Variants in STPG2 observed in about 807,000 individuals in gnomAD.
STPG2 encodes sperm-tail PG-rich repeat-containing protein 2.
In STPG2, 56 loss-of-function variants were observed where a neutral mutation model predicts 54.2. The ratio of observed to expected loss-of-function variants is 1.03; its 90% CI spans 0.83 to 1.29. The LOEUF (loss-of-function observed/expected upper bound fraction) is 1.29, where lower values mean the gene tolerates loss of function less well. Ranked by LOEUF, STPG2 falls within the 50% of genes most tolerant of loss-of-function variation. STPG2 has a pLI of 0.00. For missense variants in STPG2, 596 were observed against 544.9 expected, an observed-to-expected ratio of 1.09 and a Z score of -0.93; for synonymous variants, 200 against 181.8, an observed-to-expected ratio of 1.10 and a Z score of -0.81.
intron 8 of STPG2, among the ~76,000 whole-genome samples, chr4:97,875,582 T>C (rs1730145162): frequency 6.6e-6 from 1 of 152,004 alleles, no homozygotes; most frequent in South Asian, 2.1e-4. Flanking sequence ...ATGAAATTCT[T>C]CCAGAGGAAA....
At chr4:97,955,577 G>C (rs745500701) in intron 7 of STPG2, among the ~76,000 whole-genome samples, 1 of 152,080 alleles carries the variant, frequency 6.6e-6, no homozygotes, top group East Asian at 1.9e-4. Flanking sequence ...ATATATTTAT[G>C]AGAGTCTCAG....
At chr4:98,021,915 G>A (rs1443533253) in intron 5 of STPG2, among the ~76,000 whole-genome samples, 1 of 151,950 alleles carries the variant, frequency 6.6e-6, no homozygotes, top group Non-Finnish European at 1.5e-5. Flanking sequence ...GTGTGTCTCT[G>A]CACCTGAGAT....
At chr4:98,054,959 A>C (rs1432182314) in intron 5 of STPG2, among the ~76,000 whole-genome samples, 1 of 152,140 alleles carries the variant, frequency 6.6e-6, no homozygotes. Flanking sequence ...TCTCCAGAAA[A>C]ATGTATAGCT....
At chr4:97,793,402 C>CACAG (rs1553913919) in intron 9 of STPG2, among the ~76,000 whole-genome samples, 18 of 148,244 alleles carry the variant, frequency 1.2e-4, no homozygotes, top group Admixed American at 4.7e-4. Context: ...CACACACACA[C>CACAG]AGAGAAATAG....
chr4:97,692,770 A>C (rs1328302359), intron 10 of STPG2, among the ~76,000 whole-genome samples: 1 of 152,170 alleles, frequency 6.6e-6, no homozygotes, highest in Non-Finnish European at 1.5e-5. Flanking sequence ...TCAAAACAAA[A>C]GTAAAAATTT....
chr4:97,968,983 G>A (rs1734218026), intron 7 of STPG2, among the ~76,000 whole-genome samples: 1 of 152,172 alleles, frequency 6.6e-6, no homozygotes, highest in South Asian at 2.1e-4. Flanking sequence ...ATAGCTCTGG[G>A]AATGGAATGC....
chr4:97,966,147 C>T (rs1194791094), intron 7 of STPG2, among the ~76,000 whole-genome samples: 2 of 152,088 alleles, frequency 1.3e-5, no homozygotes, highest in East Asian at 1.9e-4. Flanking sequence ...AAAGGTTAGA[C>T]GAATGGCTAA....
At chr4:97,869,315 A>G (rs1012440615) in intron 8 of STPG2, among the ~76,000 whole-genome samples, 1 of 151,690 alleles carries the variant, frequency 6.6e-6, no homozygotes, top group African/African-American at 2.4e-5. Context: ...TATTAATGAA[A>G]AAACTAAAAG....
At chr4:97,653,459 TAAAAC>T (rs1197359348) in intron 10 of STPG2, among the ~76,000 whole-genome samples, 4 of 151,002 alleles carry the variant, frequency 2.6e-5, no homozygotes, top group Non-Finnish European at 5.9e-5. Flanking sequence ...TAAAATAAAA[TAAAAC>T]AAAACAATAA....
intron 10 of STPG2, among the ~76,000 whole-genome samples, chr4:97,703,740 T>C (rs1346839151): frequency 1.9e-5 from 2 of 107,416 alleles, no homozygotes; most frequent in African/African-American, 5.6e-5. Flanking sequence ...TATAATATAT[T>C]ATCGTATATA....
intron 5 of STPG2, among the ~76,000 whole-genome samples, chr4:98,053,290 AT>A (rs1286207196): frequency 2.0e-5 from 3 of 152,170 alleles, no homozygotes; most frequent in African/African-American, 7.2e-5. Flanking sequence ...AATATAATTG[AT>A]TTTTATGAGA....
chr4:97,726,547 G>T (rs1724630404), intron 9 of STPG2, among the ~76,000 whole-genome samples: 1 of 151,872 alleles, frequency 6.6e-6, no homozygotes, highest in Non-Finnish European at 1.5e-5. Flanking sequence ...CAAAATTTAA[G>T]CAACTAATGA....
intron 9 of STPG2, among the ~76,000 whole-genome samples, chr4:97,786,160 A>G (rs899347983): frequency 6.6e-6 from 1 of 151,750 alleles, no homozygotes; most frequent in South Asian, 2.1e-4. Flanking sequence ...TTTCTAGCCA[A>G]TCACCCTTTC....
intron 10 of STPG2, among the ~76,000 whole-genome samples, chr4:97,672,505 T>C (rs955108881): frequency 5.3e-5 from 8 of 152,140 alleles, no homozygotes; most frequent in Non-Finnish European, 2.9e-5. Flanking sequence ...AAGTATTTTC[T>C]TTACATCAGT....
chr4:97,707,518 C>A (rs1005305726), intron 10 of STPG2, among the ~76,000 whole-genome samples: 1 of 151,612 alleles, frequency 6.6e-6, no homozygotes, highest in Non-Finnish European at 1.5e-5. Flanking sequence ...GAGACCCTGT[C>A]TCAAAAAAAT....
At chr4:97,822,396 A>G (rs573861065) in intron 9 of STPG2, among the ~76,000 whole-genome samples, 7 of 152,242 alleles carry the variant, frequency 4.6e-5, no homozygotes, top group African/African-American at 1.7e-4. Context: ...ACTTTTCCTC[A>G]TCTTTCTGTC....
At chr4:97,934,644 T>G (rs1443272626) in intron 8 of STPG2, among the ~76,000 whole-genome samples, 1 of 152,224 alleles carries the variant, frequency 6.6e-6, no homozygotes, top group Non-Finnish European at 1.5e-5. Flanking sequence ...TAGTTCTGAT[T>G]ATGTGATGAA....
chr4:97,493,030 TAAGA>T (rs945974616), intron 4 of STPG2, among the ~76,000 whole-genome samples: 3 of 150,154 alleles, frequency 2.0e-5, no homozygotes, highest in Non-Finnish European at 4.5e-5. Flanking sequence ...TCCCAGGCCT[TAAGA>T]AGGCCTGAAA....
At chr4:97,836,169 A>G (rs1380035854) in intron 9 of STPG2, among the ~76,000 whole-genome samples, 1 of 152,056 alleles carries the variant, frequency 6.6e-6, no homozygotes, top group Admixed American at 6.6e-5. Context: ...ATCAAGCCAC[A>G]TCAGATGCCA....
Sources: gnomAD v4.1 joint callset for allele counts (sites outside exome capture counted in the v4.1 genomes callset) on GRCh38, gnomAD v4.1.1 for gene constraint, MANE v1.5 for transcripts, NCBI Gene and HGNC (gene_info 2026-07-23, HGNC 2026-07-21) for gene names.